TNR: variants seen among roughly 807,000 people sequenced by gnomAD.
The protein encoded by TNR is tenascin-R.
TNR carries 45 observed loss-of-function variants against 150.4 expected under a neutral mutation model. That is an observed-to-expected ratio of 0.30 (90% CI 0.24 to 0.38). TNR has a LOEUF of 0.38. Ranked by LOEUF, TNR falls within the 10% of genes least tolerant of loss-of-function variation. The pLI, the probability that TNR is intolerant of heterozygous loss-of-function variation, is 1.00. For missense variants in TNR, 1,544 were observed against 1,759.1 expected (o/e 0.88, Z 2.19); for synonymous variants, 687 against 678.4 (o/e 1.01, Z -0.20).
At chr1:175,350,900 C>A (rs758612887) in intron 18 of TNR, among the ~76,000 whole-genome samples, 5 of 152,106 alleles carry the variant, frequency 3.3e-5, no homozygotes, top group Non-Finnish European at 5.9e-5. Flanking sequence ...TCTCTTGTTC[C>A]ATCAGAGAAG....
rs1249227115 is a variant in TNR, at chr1:175,316,969, G to C, written c.*6388C>G. The C allele has an allele frequency of 1.3e-5, 2 of 152,132 alleles. No individual in the cohort carries two copies. Among genetic ancestry groups the C allele is most frequent in the African/African-American group, 2.4e-5 (1 of 41,406 alleles). The allele number at this position is 152,132 out of a possible 1,614,324, so 9.4% of individuals were successfully genotyped here. A position where few individuals can be genotyped will look rare whatever the true frequency, so the allele number is the denominator to read the frequency against. On this transcript the variant is annotated 3_prime_UTR_variant, in exon 23 of 23. Transcript: ENST00000367674. ...GGTCACTCAGCTAAATAAATATAAA[G>C]AGCAGCCTCATGAAGTGGAAAAATC...
At chr1:175,369,186 T>A (rs1371086486) in intron 9 of TNR, among the ~76,000 whole-genome samples, 1 of 152,214 alleles carries the variant, frequency 6.6e-6, no homozygotes. Context: ...GAAGGTGGGA[T>A]AAGCAGTCTT....
intron 1 of TNR, among the ~76,000 whole-genome samples, chr1:175,533,710 C>T (rs1466527018): frequency 1.3e-5 from 2 of 152,076 alleles, no homozygotes; most frequent in East Asian, 3.9e-4. Context: ...TTCAAGTTTT[C>T]CCAGAATCTC....
In TNR at chr1:175,318,607, T is replaced by C. The variant is rs1648907065; in HGVS notation, c.*4750A>G. The C allele has an allele frequency of 6.6e-6, 1 of 152,124 alleles. No individual in the cohort carries two copies. The highest frequency in any genetic ancestry group is 2.4e-5 in the African/African-American group (1 of 41,386). 9.4% of individuals were successfully genotyped at this position (152,124 alleles called of 1,614,324 possible). On this transcript the variant is annotated 3_prime_UTR_variant, in exon 23 of 23. Transcript: ENST00000367674. ...AAAGCTTTATCACATATGTGTAGGA[T>C]TGGGTTATGGAAGAAGCAAAGGTTT...
chr1:175,604,817 C>T (rs755772381), intron 1 of TNR, among the ~76,000 whole-genome samples: 4 of 152,254 alleles, frequency 2.6e-5, no homozygotes, highest in East Asian at 1.9e-4. Flanking sequence ...CACCCTTTGC[C>T]GCAGCGCTAA....
chr1:175,437,800 C>T (rs1655580915), intron 2 of TNR, among the ~76,000 whole-genome samples: 1 of 152,168 alleles, frequency 6.6e-6, no homozygotes, highest in African/African-American at 2.4e-5. Flanking sequence ...AATTCCTCGA[C>T]ACATACACCC....
intron 7 of TNR, among the ~76,000 whole-genome samples, chr1:175,390,414 TC>T (rs1653118648): frequency 6.6e-6 from 1 of 152,206 alleles, no homozygotes; most frequent in Non-Finnish European, 1.5e-5. Flanking sequence ...GAGTTTCAGC[TC>T]CATCAACAAT....
At chr1:175,362,558 C>T (rs1651647662) in intron 14 of TNR, 105 bp downstream of exon 14, 1 of 1,433,564 alleles carries the variant, frequency 7.0e-7, no homozygotes, top group Non-Finnish European at 9.5e-7. Flanking sequence ...GGAGGAGCAC[C>T]CCGAAATGGA....
chr1:175,406,238 G>A lies in TNR; in HGVS notation c.477C>T (p.Cys159=), dbSNP rs746694893. The part of the protein sequence containing the change: ...SVLRDQCNAN[C]CQESAATGQL... ...TACCTGTGGCAGCACTTTCTTGGCA[G>A]CAGTTGGCGTTGCACTGGTCTCGCA... Residue 159 remains cysteine, a synonymous_variant, in exon 3 of 23, where the codon TGC becomes TGT. Transcript: ENST00000367674. 3.1e-6 allele frequency: 5 copies of A among 1,614,034 alleles called. No individual in the cohort carries two copies. In the South Asian group the frequency reaches 5.5e-5, roughly 18 times the overall value.
intron 4 of TNR, among the ~76,000 whole-genome samples, chr1:175,402,174 G>T (rs1276881817): frequency 6.6e-6 from 1 of 151,436 alleles, no homozygotes; most frequent in Non-Finnish European, 1.5e-5. Flanking sequence ...GGGCGCGGTG[G>T]TGGGCGCCTG....
At chr1:175,704,462 A>G (rs59105403) in intron 1 of TNR, among the ~76,000 whole-genome samples, 9 of 152,302 alleles carry the variant, frequency 5.9e-5, no homozygotes, top group African/African-American at 1.9e-4. Flanking sequence ...TCTGGAAAAA[A>G]GAAGGGAAAC....
chr1:175,436,008 C>T (rs536922600), intron 2 of TNR, among the ~76,000 whole-genome samples: 1 of 152,346 alleles, frequency 6.6e-6, no homozygotes, highest in South Asian at 2.1e-4. Context: ...GAGAGATCAG[C>T]TCTTAGTCTG....
At chr1:175,583,083 T>C (rs559446088) in intron 1 of TNR, among the ~76,000 whole-genome samples, 61 of 152,292 alleles carry the variant, frequency 4.0e-4, no homozygotes, top group African/African-American at 1.4e-3. Context: ...TATTCTGTTA[T>C]AGCAGCATAA....
At chr1:175,336,160 A>G (rs1650242162) in intron 19 of TNR, among the ~76,000 whole-genome samples, 1 of 152,250 alleles carries the variant, frequency 6.6e-6, no homozygotes, top group Non-Finnish European at 1.5e-5. Context: ...CTTTTGCACT[A>G]CAGAGTGCAG....
At chr1:175,507,601 C>T (rs1659012761) in intron 2 of TNR, among the ~76,000 whole-genome samples, 1 of 151,650 alleles carries the variant, frequency 6.6e-6, no homozygotes, top group Admixed American at 6.6e-5. Flanking sequence ...CCTATATAGC[C>T]TCAACCTTAT....
At chr1:175,659,508 G>C (rs1048470847) in intron 1 of TNR, among the ~76,000 whole-genome samples, 2 of 152,026 alleles carry the variant, frequency 1.3e-5, no homozygotes, top group African/African-American at 4.8e-5. Flanking sequence ...TGTGTGTGTT[G>C]GTGCACCAAA....
At chr1:175,391,234 C>A in intron 7 of TNR, 54 bp downstream of exon 7, 1 of 1,590,810 alleles carries the variant, frequency 6.3e-7, no homozygotes. Context: ...TTCTGTGGTT[C>A]TTTTCCAAGT....
chr1:175,602,994 A>G (rs1267889782), intron 1 of TNR, among the ~76,000 whole-genome samples: 1 of 152,210 alleles, frequency 6.6e-6, no homozygotes, highest in Non-Finnish European at 1.5e-5. Context: ...ATAAAGGAGG[A>G]AAAAATAAAT....
Position 175,741,279 on chromosome 1 carries a change from G to A in TNR, c.-165+1947C>T, listed in dbSNP as rs185272827. Among the ~76,000 whole-genome samples the A allele has an allele frequency of 6.6e-4, 100 of 152,268 alleles. 3 individuals are homozygous for A. The highest frequency in any genetic ancestry group is 4.6e-3 in the Admixed American group (70 of 15,300). The stretch of plus-strand genomic sequence containing the variant: ...TATCCTCTGGCTTCCCACTTTAAGC[G>A]TCTGTGTCTCTCCATTTATAAAATG... On this transcript the variant is annotated intron_variant, in intron 1 of 22. Transcript: ENST00000367674.
Sources: gnomAD v4.1 joint callset for allele counts (sites outside exome capture counted in the v4.1 genomes callset) on GRCh38, gnomAD v4.1.1 for gene constraint, MANE v1.5 for transcripts, NCBI Gene and HGNC (gene_info 2026-07-23, HGNC 2026-07-21) for gene names.